Variants in EML1 observed in about 807,000 individuals in gnomAD.
EML1 encodes the protein echinoderm microtubule-associated protein-like 1.
In EML1, 27 loss-of-function variants were observed where a neutral mutation model predicts 110.4. That is an observed-to-expected ratio of 0.24 (90% CI 0.18 to 0.34). The LOEUF (loss-of-function observed/expected upper bound fraction) is 0.34, where lower values mean the gene tolerates loss of function less well. Ranked by LOEUF, EML1 falls within the 10% of genes least tolerant of loss-of-function variation. EML1 has a pLI of 1.00. For synonymous variants in EML1, 344 were observed against 385.8 expected, an observed-to-expected ratio of 0.89 and a Z score of 1.27; for missense variants, 741 against 1,030.9, an observed-to-expected ratio of 0.72 and a Z score of 3.85.
intron 1 of EML1, among the ~76,000 whole-genome samples, chr14:99,804,049 G>T (rs148548531): frequency 1.3e-5 from 2 of 152,334 alleles, no homozygotes; most frequent in East Asian, 1.9e-4. Context: ...CGGCTTCACC[G>T]AATTAGTCCT....
At chr14:99,831,692 C>CT (rs567218181) in intron 1 of EML1, among the ~76,000 whole-genome samples, 7 of 152,050 alleles carry the variant, frequency 4.6e-5, no homozygotes, top group Middle Eastern at 3.4e-3. Context: ...TTCAATACAT[C>CT]TTTTTTTTCT....
chr14:99,891,086 C>G, intron 4 of EML1, 113 bp from the exon 5 acceptor site: 1 of 1,226,118 alleles, frequency 8.2e-7, no homozygotes, highest in South Asian at 1.3e-5. Flanking sequence ...ACGTGTATAA[C>G]TTATGCAGCA....
At chr14:99,915,133 C>G (rs1017153341) in intron 15 of EML1, 3 of 220,318 alleles carry the variant, frequency 1.4e-5, no homozygotes, top group Admixed American at 6.3e-5. Context: ...TGAAAGTCAG[C>G]TGGGCACGGT....
At chr14:99,917,450 C>A (rs1319121412) in intron 15 of EML1, among the ~76,000 whole-genome samples, 3 of 152,016 alleles carry the variant, frequency 2.0e-5, no homozygotes, top group Non-Finnish European at 4.4e-5. Flanking sequence ...TGACACACAC[C>A]TGTAGTCCCA....
chr14:99,919,308 AGT>A (rs542287903), intron 16 of EML1, among the ~76,000 whole-genome samples: 176 of 152,278 alleles, frequency 1.2e-3, no homozygotes, highest in Non-Finnish European at 2.0e-3. Flanking sequence ...GGATAAAGAA[AGT>A]GTAGCCCTTT....
chr14:99,869,123 C>A (rs147051756), intron 3 of EML1, among the ~76,000 whole-genome samples: 2 of 152,112 alleles, frequency 1.3e-5, no homozygotes, highest in African/African-American at 4.8e-5. Context: ...TACATGCATG[C>A]CTCATTTTAT....
intron 1 of EML1, among the ~76,000 whole-genome samples, chr14:99,821,906 A>G (rs1314402717): frequency 6.6e-6 from 1 of 152,236 alleles, no homozygotes; most frequent in Non-Finnish European, 1.5e-5. Flanking sequence ...CTGTGGTTAG[A>G]TAGCTAGAGT....
At chr14:99,874,929 A>G (rs774889774) in intron 3 of EML1, 8 of 1,612,628 alleles carry the variant, frequency 5.0e-6, no homozygotes, top group Non-Finnish European at 5.9e-6. Flanking sequence ...TCTTATATGT[A>G]GATTAAACAG....
intron 3 of EML1, among the ~76,000 whole-genome samples, chr14:99,872,427 GA>G (rs2059221565): frequency 6.6e-6 from 1 of 152,180 alleles, no homozygotes; most frequent in African/African-American, 2.4e-5. Flanking sequence ...CCTCCTCCCA[GA>G]AACATTCTAA....
intron 1 of EML1, among the ~76,000 whole-genome samples, chr14:99,777,781 A>T (rs2057499103): frequency 6.6e-6 from 1 of 152,088 alleles, no homozygotes; most frequent in African/African-American, 2.4e-5. Context: ...AAGTCCAAGC[A>T]TTTTTGTGGG....
At chr14:99,895,270 T>C (rs562154979) in intron 6 of EML1, among the ~76,000 whole-genome samples, 28 of 152,200 alleles carry the variant, frequency 1.8e-4, no homozygotes, top group Non-Finnish European at 3.7e-4. Flanking sequence ...TCTCTCCCTA[T>C]GTTGCCCCAG....
At chr14:99,744,734 C>T (rs769982378) in intron 1 of EML1, among the ~76,000 whole-genome samples, 32 of 152,096 alleles carry the variant, frequency 2.1e-4, no homozygotes, top group Non-Finnish European at 3.4e-4. Flanking sequence ...TTTTAAAGCA[C>T]GAAAATAAAT....
intron 4 of EML1, 112 bp downstream of exon 4, chr14:99,878,731 GAGA>G (rs1448460317): frequency 1.4e-6 from 2 of 1,440,788 alleles, no homozygotes; most frequent in African/African-American, 1.4e-5. Flanking sequence ...AGTACTCTTG[GAGA>G]AGAAGACCTT....
At chr14:99,760,650 T>G (rs1349371713) in intron 1 of EML1, among the ~76,000 whole-genome samples, 1 of 152,164 alleles carries the variant, frequency 6.6e-6, no homozygotes, top group Non-Finnish European at 1.5e-5. Context: ...AAGTGCTGAT[T>G]TTCCCTTTCT....
chr14:99,850,407 C>A, intron 1 of EML1: 1 of 1,224,106 alleles, frequency 8.2e-7, no homozygotes, highest in Non-Finnish European at 1.1e-6. Context: ...AGAGTCTTGA[C>A]CGATGGATAG....
chr14:99,811,557 C>A (rs1280741496), intron 1 of EML1, among the ~76,000 whole-genome samples: 1 of 149,618 alleles, frequency 6.7e-6, no homozygotes, highest in Non-Finnish European at 1.5e-5. Context: ...AATCCCAACA[C>A]TTTGGGTGGC....
intron 1 of EML1, among the ~76,000 whole-genome samples, chr14:99,822,862 G>A (rs1306231093): frequency 6.6e-6 from 1 of 152,124 alleles, no homozygotes; most frequent in Non-Finnish European, 1.5e-5. Context: ...CCATTTCTTT[G>A]GTTCCCGCTC....
chr14:99,878,730 G>C, intron 4 of EML1, 111 bp downstream of exon 4: 1 of 1,443,964 alleles, frequency 6.9e-7, no homozygotes, highest in Admixed American at 2.4e-5. Flanking sequence ...GAGTACTCTT[G>C]GAGAAGAAGA....
intron 1 of EML1, among the ~76,000 whole-genome samples, chr14:99,835,052 G>A (rs1415909897): frequency 6.6e-6 from 1 of 151,750 alleles, no homozygotes; most frequent in Non-Finnish European, 1.5e-5. Flanking sequence ...AAACTCCTGA[G>A]CTCAAGCAAT....
Sources: allele counts gnomAD v4.1 joint callset (sites outside exome capture counted in the v4.1 genomes callset), GRCh38; gene constraint gnomAD v4.1.1; transcripts MANE v1.5; gene names NCBI Gene and HGNC (gene_info 2026-07-23, HGNC 2026-07-21).